Variants in NID1 observed in about 807,000 individuals in gnomAD.
NID1 encodes the protein nidogen-1.
NID1 carries 76 observed loss-of-function variants against 130.6 expected under a neutral mutation model. That is an observed-to-expected ratio of 0.58 (90% CI 0.48 to 0.70). The LOEUF is 0.70. Among genes scored for constraint, NID1 ranks in the 30% least tolerant of loss-of-function variants. The pLI, the probability that NID1 is intolerant of heterozygous loss-of-function variation, is 0.00. For synonymous variants in NID1, 665 were observed against 675.1 expected (o/e 0.98, Z 0.23); for missense variants, 1,517 against 1,664.8 (o/e 0.91, Z 1.54).
rs1659133820 is a variant in NID1 at position 236,032,671 on chromosome 1, A to G, written c.1286-19T>C. On this transcript the variant is annotated intron_variant, in intron 5 of 19. Transcript: ENST00000264187. ...GGGGAACCTGAGCAAGAAAACAAAG[A>G]AAGAATATAGAGATCACTTCCAAGC... 6.2e-7 allele frequency: 1 copy of G among 1,613,320 alleles called. No homozygotes were observed. The highest frequency in any genetic ancestry group is 8.5e-7 in the Non-Finnish European group (1 of 1,179,750).
chr1:236,009,643 T>G (rs1393884492), intron 12 of NID1, among the ~76,000 whole-genome samples: 1 of 152,270 alleles, frequency 6.6e-6, no homozygotes, highest in Admixed American at 6.5e-5. Context: ...CCTTTTATAA[T>G]TTCTTTTGCT....
intron 3 of NID1, among the ~76,000 whole-genome samples, chr1:236,043,518 G>A (rs931027422): frequency 6.6e-6 from 1 of 152,142 alleles, no homozygotes; most frequent in Admixed American, 6.5e-5. Flanking sequence ...CAACTCCAGG[G>A]CCGGGCGCGG....
At chr1:236,055,346 G>T (rs934522926) in intron 1 of NID1, among the ~76,000 whole-genome samples, 5 of 151,640 alleles carry the variant, frequency 3.3e-5, no homozygotes, top group African/African-American at 4.8e-5. Flanking sequence ...TTGGGGATGG[G>T]GAGGGAACAT....
At position 236,013,410 on chromosome 1, in the gene NID1, C is replaced by T. The variant is rs142816335; in HGVS notation, c.2404+1G>A. On this transcript the variant is annotated splice_donor_variant, in intron 11 of 19. Transcript: ENST00000264187. LOFTEE classifies it high-confidence loss of function. ...AGGGGAAGATCAGAGCAACCACACA[C>T]CTTGGCAGGCTTGGCCATCCCCAGA... The T allele has an allele frequency of 5.0e-6, 8 of 1,613,628 alleles. No homozygotes were observed. The African/African-American group carries it at 1.1e-4, about 22-fold the overall frequency.
chr1:235,994,722 A>C (rs1657875464), intron 12 of NID1, among the ~76,000 whole-genome samples: 1 of 139,188 alleles, frequency 7.2e-6, no homozygotes, highest in African/African-American at 2.7e-5. Context: ...TTTGAGACGG[A>C]GTCTCGCTCT....
chr1:236,046,050 G>A (rs1008403120), intron 2 of NID1, among the ~76,000 whole-genome samples: 8 of 152,066 alleles, frequency 5.3e-5, no homozygotes, highest in African/African-American at 9.7e-5. Context: ...ATATTCAACC[G>A]CATTCATCGT....
At chr1:236,008,301 G>A (rs6694674) in intron 12 of NID1, among the ~76,000 whole-genome samples, 4,961 of 152,228 alleles carry the variant, frequency 0.033, 164 homozygotes, top group African/African-American at 0.082. Context: ...TCTGTCATCA[G>A]TTGACATTTC....
In NID1 at chr1:235,977,846, G is replaced by C. The variant is rs780814376; in HGVS notation, c.*21C>G. ...AGTGTTGCTGTGAAATACTTGGAAAGGAAATAAGGCACTCTTGTCTTCATT... is the reference window on the plus strand; with the variant it reads ...AGTGTTGCTGTGAAATACTTGGAAACGAAATAAGGCACTCTTGTCTTCATT... On this transcript the variant is annotated 3_prime_UTR_variant, in exon 20 of 20. Coordinates refer to ENST00000264187, the MANE Select transcript of NID1 (RefSeq NM_002508.3). 7 of 1,612,568 alleles carry C rather than the reference G, an allele frequency of 4.3e-6. No homozygotes were observed. In the South Asian group the frequency reaches 6.6e-5, roughly 15 times the overall value.
intron 9 of NID1, among the ~76,000 whole-genome samples, chr1:236,018,018 T>A (rs1287923943): frequency 6.6e-6 from 1 of 152,212 alleles, no homozygotes; most frequent in African/African-American, 2.4e-5. Flanking sequence ...AAAGGAAAAT[T>A]GAACAATTTA....
At chr1:235,994,821 C>T (rs770150340) in intron 12 of NID1, among the ~76,000 whole-genome samples, 26 of 152,004 alleles carry the variant, frequency 1.7e-4, no homozygotes, top group African/African-American at 2.2e-4. Context: ...CCTAGGCTCC[C>T]GCATAGCTGG....
At chr1:236,054,648 A>AT (rs894300346) in intron 1 of NID1, among the ~76,000 whole-genome samples, 48 of 148,568 alleles carry the variant, frequency 3.2e-4, no homozygotes, top group South Asian at 8.6e-4. Flanking sequence ...TTTTTAAAGA[A>AT]TTTTTTTTTT....
At position 236,017,198 on chromosome 1, in the gene NID1, C is replaced by T. The variant is rs140374909; in HGVS notation, c.2204G>A (p.Arg735His). ...CTGGTAGCCCTCCACACACTCGCAG[C>T]GGAAGGTTCCTGGGTGATTATTGCA... ...TICNNHPGTF[R>H]CECVEGYQFS... The change falls in exon 10 of 20, where the codon CGC becomes CAC. Residue 735 changes from arginine (R) to histidine (H), a missense_variant. Around this residue, in one of 3 missense-constraint regions of NID1, gnomAD observed 1,329 missense variants for 1,429.2 expected, o/e 0.93. Transcript: ENST00000264187. The T allele has an allele frequency of 6.0e-3, 9,699 of 1,614,126 alleles. 92 individuals carry two copies. Among genetic ancestry groups the T allele is most frequent in the Middle Eastern group, 0.03 (180 of 6,060 alleles).
At chr1:236,033,373 C>A (rs775106951) in intron 5 of NID1, among the ~76,000 whole-genome samples, 2 of 152,146 alleles carry the variant, frequency 1.3e-5, no homozygotes, top group Non-Finnish European at 2.9e-5. Context: ...CAAGGCTAAC[C>A]TGAATGGCCC....
chr1:235,985,866 T>C (rs2102795403), intron 14 of NID1, among the ~76,000 whole-genome samples: 1 of 152,142 alleles, frequency 6.6e-6, no homozygotes, highest in East Asian at 1.9e-4. Flanking sequence ...ACTCGAGTGA[T>C]CCTCGCCCTC....
intron 19 of NID1, among the ~76,000 whole-genome samples, 168 bp from the exon 20 acceptor site, chr1:235,978,156 G>T (rs571836010): frequency 6.6e-6 from 1 of 152,320 alleles, no homozygotes; most frequent in East Asian, 1.9e-4. Context: ...CAGCTGAGCT[G>T]ATCCATTGTT....
At chr1:235,989,487 T>C (rs1277176903) in intron 14 of NID1, among the ~76,000 whole-genome samples, 1 of 152,230 alleles carries the variant, frequency 6.6e-6, no homozygotes, top group Admixed American at 6.5e-5. Flanking sequence ...AATATTTTTT[T>C]GAGTGCTTCC....
chr1:236,053,755 C>T (rs1399142666), intron 1 of NID1, among the ~76,000 whole-genome samples: 2 of 152,282 alleles, frequency 1.3e-5, no homozygotes, highest in Middle Eastern at 3.4e-3. Flanking sequence ...AGTCTCCCCA[C>T]TTCCTGACTT....
chr1:235,979,732 C>G lies in NID1; in HGVS notation c.3509+90G>C. 1 of 1,502,492 alleles carries G rather than the reference C, an allele frequency of 6.7e-7. No homozygotes were observed. The highest frequency in any genetic ancestry group is 9.2e-7 in the Non-Finnish European group (1 of 1,090,866). 93.1% of individuals were successfully genotyped at this position (1,502,492 alleles called of 1,614,324 possible). ...CATTTCTGGAGGCTCAAAAGTCAAG[C>G]CAAGAGGCCAGATGGGAAGGGCCTG... On this transcript the variant is annotated intron_variant, in intron 18 of 19. Transcript: ENST00000264187. The surrounding 1 kb of genome is among the most constrained non-coding windows in gnomAD (Gnocchi z 4.6).
chr1:236,013,353 T>C, intron 11 of NID1, 58 bp downstream of exon 11: 3 of 1,593,212 alleles, frequency 1.9e-6, no homozygotes, highest in Non-Finnish European at 2.6e-6. Flanking sequence ...ACATGACAGG[T>C]ACCACCTAGG....
Sources: gnomAD v4.1 joint callset for allele counts (sites outside exome capture counted in the v4.1 genomes callset) on GRCh38, gnomAD v4.1.1 for gene constraint, gnomAD v4.1.1 regional missense constraint, Gnocchi (gnomAD v3.1) non-coding constraint, MANE v1.5 for transcripts, NCBI Gene and HGNC (gene_info 2026-07-23, HGNC 2026-07-21) for gene names.